The following ACOT13 variants were observed in gnomAD, a reference collection of about 807,000 sequenced individuals.
ACOT13 encodes acyl-CoA thioesterase 13.
A neutral mutation model predicts 11.8 loss-of-function variants in ACOT13; 10 were observed. The observed-to-expected ratio is 0.85, with a 90% CI of 0.53 to 1.44. The LOEUF (loss-of-function observed/expected upper bound fraction) is 1.44. ACOT13 is among the 40% of genes most tolerant of loss of function. The probability of loss-of-function intolerance (pLI) is 0.00; values close to 1 mark genes in which losing one functional copy is unlikely to be tolerated. For synonymous variants in ACOT13, 53 were observed against 61.0 expected (o/e 0.87, Z 0.61); for missense variants, 172 against 174.1 (o/e 0.99, Z 0.07).
In ACOT13 at chr6:24,696,863, C is replaced by A. The variant is rs1027395613; in HGVS notation, c.82-1020C>A. On this transcript the variant is annotated intron_variant, in intron 1 of 2. Transcript: ENST00000230048. The stretch of plus-strand genomic sequence containing the variant: ...TGATCTCAGCTCACTGCAACCTCCA[C>A]CTCCCGGGTTCAAGCGATTCTCCTG... Among the ~76,000 whole-genome samples the A allele has an allele frequency of 1.0e-3, 156 of 152,104 alleles. 1 individual carries two copies. Among genetic ancestry groups the A allele is most frequent in the African/African-American group, 3.6e-3 (148 of 41,418 alleles).
chr6:24,701,613 T>C lies in ACOT13; in HGVS notation c.421T>C (p.Ter141ArgextTer7). ...QGRHTKHLGN[*>R] ...AAGACACACAAAACACCTGGGAAAC[T>C]GAGAGAACAGCAGAATGACCTAAAG... Residue 141 changes from the stop codon to arginine, a stop_lost, in exon 3 of 3, where the codon TGA becomes CGA. Coordinates refer to ENST00000230048, the MANE Select transcript of ACOT13 (RefSeq NM_018473.4). 6.2e-7 allele frequency: 1 copy of C among 1,608,242 alleles called. No individual in the cohort carries two copies. Among genetic ancestry groups the C allele is most frequent in the Non-Finnish European group, 8.5e-7 (1 of 1,176,660 alleles).
rs751927577 is a variant in ACOT13, at chr6:24,701,574, T to C, written c.382T>C (p.Leu128=). 2 of 1,613,246 alleles carry C rather than the reference T, an allele frequency of 1.2e-6. No homozygotes were observed. Among genetic ancestry groups the C allele is most frequent in the Admixed American group, 3.3e-5 (2 of 59,932 alleles). ...VDLTNKATGK[L]IAQGRHTKHL... The stretch of plus-strand genomic sequence containing the variant: ...TCTGACCAACAAGGCCACAGGAAAA[T>C]TAATAGCACAAGGAAGACACACAAA... Residue 128 remains leucine (L), a synonymous_variant, in exon 3 of 3, where the codon TTA becomes CTA. Coordinates refer to ENST00000230048, the MANE Select transcript of ACOT13 (RefSeq NM_018473.4).
In ACOT13 at chr6:24,702,784, A is replaced by G. The variant is rs888540890; in HGVS notation, c.*1169A>G. ...ATGGTCCAATAGAGGGGGAAGAAAA[A>G]AAGCATGCTACTAGCCCCTTTTCTT... On this transcript the variant is annotated 3_prime_UTR_variant, in exon 3 of 3. Coordinates refer to ENST00000230048, the MANE Select transcript of ACOT13 (RefSeq NM_018473.4). 2 of 152,184 alleles carry G rather than the reference A, an allele frequency of 1.3e-5. No individual in the cohort carries two copies. Among genetic ancestry groups the G allele is most frequent in the African/African-American group, 2.4e-5 (1 of 41,440 alleles). The allele number at this position is 152,184 out of a possible 1,614,324, so 9.4% of individuals were successfully genotyped here. A position where few individuals can be genotyped will look rare whatever the true frequency, so the allele number is the denominator to read the frequency against.
In ACOT13 at chr6:24,674,019, T is replaced by C. The variant is rs1263980775; in HGVS notation, c.81+6675T>C. 2.0e-5 allele frequency among the ~76,000 whole-genome samples: 3 copies of C among 152,192 alleles called. No individual in the cohort carries two copies. The East Asian group carries it at 5.8e-4, about 29-fold the overall frequency. ...CTTATTTCCTGATTCCTTTACCTTG[T>C]TGTATACATAACCTTTAAATAAGTT... On this transcript the variant is annotated intron_variant, in intron 1 of 2. Coordinates refer to ENST00000230048, the MANE Select transcript of ACOT13 (RefSeq NM_018473.4).
intron 1 of ACOT13, among the ~76,000 whole-genome samples, chr6:24,682,674 T>C (rs938450103): frequency 2.7e-5 from 4 of 150,264 alleles, no homozygotes; most frequent in Non-Finnish European, 4.4e-5. Flanking sequence ...GGGTCTGCAG[T>C]GGCAGGTCTG....
chr6:24,698,216 T>A, intron 2 of ACOT13, 149 bp downstream of exon 2: 1 of 729,608 alleles, frequency 1.4e-6, no homozygotes, highest in Non-Finnish European at 2.0e-6. Flanking sequence ...CCTAAAATAT[T>A]CCAGCCTTAA....
At chr6:24,690,141 A>G (rs994322712) in intron 1 of ACOT13, among the ~76,000 whole-genome samples, 2 of 152,164 alleles carry the variant, frequency 1.3e-5, no homozygotes, top group Non-Finnish European at 2.9e-5. Context: ...TTTGTTTTGT[A>G]TGACTAATGG....
At chr6:24,676,884 C>G (rs1258619027) in intron 1 of ACOT13, among the ~76,000 whole-genome samples, 1 of 152,118 alleles carries the variant, frequency 6.6e-6, no homozygotes, top group African/African-American at 2.4e-5. Flanking sequence ...GATAGGTGTT[C>G]CCTCGGAAGT....
intron 1 of ACOT13, among the ~76,000 whole-genome samples, chr6:24,673,254 T>G (rs1485440940): frequency 6.6e-6 from 1 of 152,170 alleles, no homozygotes; most frequent in African/African-American, 2.4e-5. Context: ...AAACACTTCC[T>G]TTAGACCTTT....
chr6:24,672,516 G>A lies in ACOT13; in HGVS notation c.81+5172G>A, dbSNP rs559270179. On this transcript the variant is annotated intron_variant, in intron 1 of 2. Transcript: ENST00000230048. ...TAGCTGAGTGTGGTGGCACGCGTCT[G>A]TAGTCCCAGCTACTCGGGAGGCTGA... Among the ~76,000 whole-genome samples, 5 of 152,292 alleles carry A rather than the reference G, an allele frequency of 3.3e-5. No individual in the cohort carries two copies. In the South Asian group the frequency reaches 8.3e-4, roughly 25 times the overall value.
rs563001115 is a variant in ACOT13, at chr6:24,705,019, T to C, written c.*3404T>C. 9.9e-5 allele frequency: 15 copies of C among 152,138 alleles called. No homozygotes were observed. Among genetic ancestry groups the C allele is most frequent in the Admixed American group, 8.5e-4 (13 of 15,248 alleles). The allele number at this position is 152,138 out of a possible 1,614,324, so 9.4% of individuals were successfully genotyped here. A position where few individuals can be genotyped will look rare whatever the true frequency, so the allele number is the denominator to read the frequency against. On this transcript the variant is annotated 3_prime_UTR_variant, in exon 3 of 3. Coordinates refer to ENST00000230048, the MANE Select transcript of ACOT13 (RefSeq NM_018473.4). ...CCAAAGGAGTAGGATCATTCAGATTTACTCCAATAAAAGTATGCAACCCTT... is the reference window on the plus strand; with the variant it reads ...CCAAAGGAGTAGGATCATTCAGATTCACTCCAATAAAAGTATGCAACCCTT...
At position 24,682,579 on chromosome 6, in the gene ACOT13, C is replaced by T. The variant is rs995506888; in HGVS notation, c.81+15235C>T. 4.6e-5 allele frequency among the ~76,000 whole-genome samples: 7 copies of T among 152,142 alleles called. No individual in the cohort carries two copies. In the East Asian group the frequency reaches 1.4e-3, roughly 29 times the overall value. ...GCAGGAACAATGGCAAGCCTTTAGC[C>T]TGATTGGGAGTGGCAATGGACACCT... On this transcript the variant is annotated intron_variant, in intron 1 of 2. Transcript: ENST00000230048.
intron 1 of ACOT13, among the ~76,000 whole-genome samples, chr6:24,680,342 G>A (rs985246367): frequency 7.9e-5 from 12 of 152,234 alleles, no homozygotes; most frequent in African/African-American, 1.2e-4. Context: ...CTTTCTTAGC[G>A]TCTGAGGGTC....
chr6:24,686,337 AT>A (rs995417289), intron 1 of ACOT13, among the ~76,000 whole-genome samples: 1 of 152,160 alleles, frequency 6.6e-6, no homozygotes, highest in African/African-American at 2.4e-5. Flanking sequence ...GTGTTAGTCC[AT>A]TTGCGTTGCT....
At chr6:24,687,336 C>A in intron 1 of ACOT13, 1 of 755,070 alleles carries the variant, frequency 1.3e-6, no homozygotes, top group Non-Finnish European at 1.7e-6. Context: ...TTGAGTAGTT[C>A]TGCAGTAAAT....
chr6:24,696,956 A>G (rs925591492), intron 1 of ACOT13, among the ~76,000 whole-genome samples: 4 of 152,168 alleles, frequency 2.6e-5, no homozygotes, highest in African/African-American at 9.6e-5. Context: ...TTGTATTTTT[A>G]GTAGAGACTG....
chr6:24,668,237 G>C (rs1292136432), intron 1 of ACOT13, among the ~76,000 whole-genome samples: 1 of 151,400 alleles, frequency 6.6e-6, no homozygotes. Flanking sequence ...TTGTTGTTTT[G>C]AGATGGAGTC....
intron 1 of ACOT13, among the ~76,000 whole-genome samples, chr6:24,682,808 G>C (rs565726530): frequency 3.9e-5 from 6 of 152,324 alleles, no homozygotes; most frequent in African/African-American, 1.2e-4. Context: ...GAAATAGAGT[G>C]AAAACAGAGC....
intron 1 of ACOT13, among the ~76,000 whole-genome samples, chr6:24,684,235 A>G (rs1315146700): frequency 6.6e-6 from 1 of 152,234 alleles, no homozygotes; most frequent in East Asian, 1.9e-4. Flanking sequence ...CAAATGGCAA[A>G]TGGCATAAAA....
Sources: allele counts gnomAD v4.1 joint callset (sites outside exome capture counted in the v4.1 genomes callset), GRCh38; gene constraint gnomAD v4.1.1; transcripts MANE v1.5; gene names NCBI Gene and HGNC (gene_info 2026-07-23, HGNC 2026-07-21).